Variants in SAMD12 observed in about 807,000 individuals in gnomAD.
SAMD12 encodes sterile alpha motif domain containing 12.
Under a neutral mutation model 15.0 loss-of-function variants are expected in SAMD12, and 9 were observed. That is an observed-to-expected ratio of 0.60 (90% confidence interval 0.36 to 1.05). The LOEUF (loss-of-function observed/expected upper bound fraction) is 1.05. Among genes scored for constraint, SAMD12 ranks in the 50% least tolerant of loss-of-function variants. The pLI, the probability that SAMD12 is intolerant of heterozygous loss-of-function variation, is 0.01. For missense variants in SAMD12, 230 were observed against 234.2 expected (o/e 0.98, Z 0.12); for synonymous variants, 86 against 90.1 (o/e 0.96, Z 0.25).
intron 4 of SAMD12, among the ~76,000 whole-genome samples, chr8:118,243,781 T>C (rs1324460543): frequency 6.6e-6 from 1 of 152,152 alleles, no homozygotes; most frequent in East Asian, 1.9e-4. Flanking sequence ...GACACAAGTC[T>C]TCTGGTTGTT....
chr8:118,564,538 C>T (rs1826796797), intron 2 of SAMD12, among the ~76,000 whole-genome samples: 1 of 152,202 alleles, frequency 6.6e-6, no homozygotes, highest in Non-Finnish European at 1.5e-5. Flanking sequence ...AGAGCACTGA[C>T]AGTCTCTCTG....
chr8:118,318,548 A>G (rs928820323), intron 4 of SAMD12, among the ~76,000 whole-genome samples: 2 of 151,774 alleles, frequency 1.3e-5, no homozygotes, highest in Non-Finnish European at 2.9e-5. Context: ...AATGATATAA[A>G]GAACTTTGGA....
chr8:118,270,722 C>T (rs1813335982), intron 4 of SAMD12, among the ~76,000 whole-genome samples: 1 of 152,144 alleles, frequency 6.6e-6, no homozygotes, highest in Non-Finnish European at 1.5e-5. Flanking sequence ...ATTAATGACA[C>T]AGTCATAAGA....
chr8:118,257,515 T>C (rs1812975270), intron 4 of SAMD12, among the ~76,000 whole-genome samples: 1 of 152,134 alleles, frequency 6.6e-6, no homozygotes, highest in Non-Finnish European at 1.5e-5. Context: ...TTGATTTCTC[T>C]TCAACAGAAC....
At chr8:118,423,053 G>A (rs991664615) in intron 3 of SAMD12, among the ~76,000 whole-genome samples, 5 of 152,094 alleles carry the variant, frequency 3.3e-5, no homozygotes, top group East Asian at 1.9e-4. Context: ...GGTAGTGTGC[G>A]CCTGTAGTCC....
At chr8:118,454,451 G>T (rs1378289897) in intron 2 of SAMD12, among the ~76,000 whole-genome samples, 1 of 152,112 alleles carries the variant, frequency 6.6e-6, no homozygotes, top group Non-Finnish European at 1.5e-5. Flanking sequence ...TTTCTGAGAG[G>T]TAGTCAGTAG....
intron 2 of SAMD12, among the ~76,000 whole-genome samples, chr8:118,447,084 C>T (rs1822936631): frequency 6.6e-6 from 1 of 152,122 alleles, no homozygotes; most frequent in Non-Finnish European, 1.5e-5. Flanking sequence ...CTGGATTTTT[C>T]ATAGACTTTC....
intron 1 of SAMD12, among the ~76,000 whole-genome samples, chr8:118,584,518 C>A (rs1263229378): frequency 3.3e-5 from 5 of 152,182 alleles, no homozygotes; most frequent in Admixed American, 3.3e-4. Flanking sequence ...CACTCCTGTG[C>A]CTGACGGATT....
intron 4 of SAMD12, among the ~76,000 whole-genome samples, chr8:118,357,176 A>G (rs1818270946): frequency 6.6e-6 from 1 of 152,226 alleles, no homozygotes; most frequent in African/African-American, 2.4e-5. Flanking sequence ...GTTGTGATCT[A>G]TTGTACAGCA....
At chr8:118,596,421 T>C (rs888846231) in intron 1 of SAMD12, among the ~76,000 whole-genome samples, 3 of 152,226 alleles carry the variant, frequency 2.0e-5, no homozygotes, top group Admixed American at 6.5e-5. Flanking sequence ...CAGCCACATG[T>C]GTACTGGTAA....
chr8:118,478,049 A>G (rs575012530), intron 2 of SAMD12, among the ~76,000 whole-genome samples: 1 of 151,534 alleles, frequency 6.6e-6, no homozygotes, highest in South Asian at 2.1e-4. Context: ...TATATATTCA[A>G]TAATATTGCC....
At chr8:118,540,516 G>C (rs12548521) in intron 2 of SAMD12, among the ~76,000 whole-genome samples, 3 of 151,806 alleles carry the variant, frequency 2.0e-5, no homozygotes, top group East Asian at 3.9e-4. Flanking sequence ...GGGGTGTGTT[G>C]GCTATGTGAA....
intron 4 of SAMD12, among the ~76,000 whole-genome samples, chr8:118,257,067 A>G (rs1047981646): frequency 6.6e-6 from 1 of 152,098 alleles, no homozygotes; most frequent in Non-Finnish European, 1.5e-5. Context: ...CATTGTAGGC[A>G]TACCAGACCC....
chr8:118,343,637 C>T (rs1289163139), intron 4 of SAMD12, among the ~76,000 whole-genome samples: 1 of 152,180 alleles, frequency 6.6e-6, no homozygotes, highest in Non-Finnish European at 1.5e-5. Flanking sequence ...GTGCCAAGCA[C>T]TTTGCTTGCC....
At chr8:118,408,533 A>G (rs1563837313) in intron 3 of SAMD12, among the ~76,000 whole-genome samples, 1 of 152,218 alleles carries the variant, frequency 6.6e-6, no homozygotes, top group Non-Finnish European at 1.5e-5. Context: ...TGGAAGAAGC[A>G]AGGTAGTCTG....
intron 2 of SAMD12, among the ~76,000 whole-genome samples, chr8:118,576,173 TC>T (rs1179947744): frequency 6.6e-6 from 1 of 152,216 alleles, no homozygotes; most frequent in Non-Finnish European, 1.5e-5. Context: ...ATGTTCTATG[TC>T]CACATTGTCC....
At chr8:118,340,760 C>G (rs1022005185) in intron 4 of SAMD12, among the ~76,000 whole-genome samples, 2 of 152,048 alleles carry the variant, frequency 1.3e-5, no homozygotes, top group Non-Finnish European at 2.9e-5. Flanking sequence ...CAGAGTGAGA[C>G]TCTGTCTCAA....
chr8:118,485,464 T>C (rs1824249942), intron 2 of SAMD12, among the ~76,000 whole-genome samples: 2 of 152,230 alleles, frequency 1.3e-5, no homozygotes, highest in African/African-American at 4.8e-5. Flanking sequence ...ATTCCATAGC[T>C]TTCCTAAATT....
chr8:118,551,551 G>C (rs1476718752), intron 2 of SAMD12, among the ~76,000 whole-genome samples: 4 of 152,086 alleles, frequency 2.6e-5, no homozygotes, highest in East Asian at 1.9e-4. Context: ...ATTTATAGCA[G>C]TAAATGCCAA....
Sources: gnomAD v4.1 joint callset for allele counts (sites outside exome capture counted in the v4.1 genomes callset) on GRCh38, gnomAD v4.1.1 for gene constraint, MANE v1.5 for transcripts, NCBI Gene and HGNC (gene_info 2026-07-23, HGNC 2026-07-21) for gene names.